DLGAP2: variants seen among roughly 807,000 people sequenced by gnomAD.
The protein encoded by DLGAP2 is DLG associated protein 2.
A neutral mutation model predicts 100.3 loss-of-function variants in DLGAP2; 26 were observed. That is an observed-to-expected ratio of 0.26 (90% CI 0.19 to 0.36). DLGAP2 has a LOEUF of 0.36. Ranked by LOEUF, DLGAP2 falls within the 10% of genes least tolerant of loss-of-function variation. The pLI is 1.00. For missense variants in DLGAP2, 1,858 were observed against 1,453.2 expected (o/e 1.28, Z -4.53); for synonymous variants, 886 against 630.1 (o/e 1.41, Z -6.08).
chr8:749,783 C>T lies in DLGAP2; in HGVS notation c.18+11958C>T, dbSNP rs977202349. 3.3e-5 allele frequency among the ~76,000 whole-genome samples: 5 copies of T among 152,286 alleles called. No homozygotes were observed. The East Asian group carries it at 5.8e-4, about 18-fold the overall frequency. On this transcript the variant is annotated intron_variant, in intron 1 of 14. Coordinates refer to ENST00000637795, the MANE Select transcript of DLGAP2 (RefSeq NM_001346810.2). Reference sequence around the variant, plus strand: ...AGATCGGGTGCCCGAAACGGCAGAGCGCGCTCTTGGTGCTGGAGGCTGGAA... The same window carrying T: ...AGATCGGGTGCCCGAAACGGCAGAGTGCGCTCTTGGTGCTGGAGGCTGGAA...
At chr8:1,410,432 C>T (rs766883209) in intron 3 of DLGAP2, among the ~76,000 whole-genome samples, 1 of 152,200 alleles carries the variant, frequency 6.6e-6, no homozygotes, top group Admixed American at 6.5e-5. Context: ...TATTCTCTCC[C>T]CTCAGTTCAC....
intron 2 of DLGAP2, among the ~76,000 whole-genome samples, chr8:983,262 G>A (rs1296616669): frequency 3.3e-5 from 5 of 152,000 alleles, no homozygotes; most frequent in Non-Finnish European, 5.9e-5. Flanking sequence ...TAGAATCCAC[G>A]TGTTGGTGGA....
intron 3 of DLGAP2, among the ~76,000 whole-genome samples, chr8:1,310,504 C>G (rs10111688): frequency 6.6e-6 from 1 of 151,986 alleles, no homozygotes; most frequent in Non-Finnish European, 1.5e-5. Flanking sequence ...TGGACGGACA[C>G]GTACAGAAGC....
At chr8:1,320,024 C>T (rs757222444) in intron 3 of DLGAP2, among the ~76,000 whole-genome samples, 6 of 152,114 alleles carry the variant, frequency 3.9e-5, no homozygotes, top group South Asian at 4.2e-4. Flanking sequence ...CACATGAAGA[C>T]GAAAGGTGTT....
chr8:1,219,278 T>G (rs1054717531), intron 2 of DLGAP2, among the ~76,000 whole-genome samples: 3 of 152,102 alleles, frequency 2.0e-5, no homozygotes, highest in African/African-American at 7.2e-5. Flanking sequence ...GGCTCTTATT[T>G]TGAGATAAGT....
chr8:1,170,155 C>T (rs1478255794), intron 2 of DLGAP2, among the ~76,000 whole-genome samples: 1 of 152,128 alleles, frequency 6.6e-6, no homozygotes, highest in Admixed American at 6.6e-5. Context: ...TGGTTTTTGT[C>T]TTTGGTTCTG....
intron 3 of DLGAP2, among the ~76,000 whole-genome samples, chr8:1,425,803 G>C (rs1473498393): frequency 6.6e-6 from 1 of 152,200 alleles, no homozygotes; most frequent in East Asian, 1.9e-4. Context: ...CCCAGGGGAT[G>C]TCAGGGCCCT....
At chr8:1,619,572 C>T (rs1334117007) in intron 6 of DLGAP2, 1 of 152,234 alleles carries the variant, frequency 6.6e-6, no homozygotes, top group East Asian at 1.9e-4. Context: ...GTTTCTGAGA[C>T]ATCTACCAAA....
chr8:793,853 G>A (rs1271605468), intron 1 of DLGAP2, among the ~76,000 whole-genome samples: 2 of 152,176 alleles, frequency 1.3e-5, no homozygotes, highest in African/African-American at 4.8e-5. Flanking sequence ...ACTTCCTGTG[G>A]CCATGCTGGT....
chr8:1,560,863 C>A (rs1192697133), intron 5 of DLGAP2, among the ~76,000 whole-genome samples: 1 of 152,176 alleles, frequency 6.6e-6, no homozygotes, highest in East Asian at 1.9e-4. Flanking sequence ...TGGCTGAGGC[C>A]CCAGGCCTGT....
chr8:1,410,392 C>T (rs920445117), intron 3 of DLGAP2, among the ~76,000 whole-genome samples: 1 of 152,200 alleles, frequency 6.6e-6, no homozygotes, highest in African/African-American at 2.4e-5. Context: ...AGTCTGACCC[C>T]TTTGAAATAC....
intron 2 of DLGAP2, among the ~76,000 whole-genome samples, chr8:1,080,974 A>C (rs1803787715): frequency 6.6e-6 from 1 of 152,362 alleles, no homozygotes; most frequent in Non-Finnish European, 1.5e-5. Flanking sequence ...GTTTAACAAT[A>C]CAAAATTATA....
intron 2 of DLGAP2, among the ~76,000 whole-genome samples, chr8:1,226,531 C>G (rs887683074): frequency 2.0e-5 from 3 of 152,102 alleles, no homozygotes; most frequent in African/African-American, 4.8e-5. Context: ...GGGCTTAATA[C>G]CAAGGTTGAT....
intron 2 of DLGAP2, among the ~76,000 whole-genome samples, chr8:1,008,085 T>G (rs1290226499): frequency 6.6e-6 from 1 of 152,222 alleles, no homozygotes; most frequent in Non-Finnish European, 1.5e-5. Context: ...TTAAAGTATT[T>G]TCTTTTTCAT....
chr8:798,338 C>T (rs113979401), intron 1 of DLGAP2, among the ~76,000 whole-genome samples: 25 of 139,778 alleles, frequency 1.8e-4, no homozygotes, highest in South Asian at 7.0e-4. Context: ...TGAAAGCAAA[C>T]GCTTGTTGAG....
At chr8:1,281,192 A>C (rs1236039052) in intron 3 of DLGAP2, among the ~76,000 whole-genome samples, 1 of 152,228 alleles carries the variant, frequency 6.6e-6, no homozygotes, top group African/African-American at 2.4e-5. Context: ...TCTGTATCCT[A>C]TAGATGTCTC....
intron 3 of DLGAP2, among the ~76,000 whole-genome samples, chr8:1,373,202 G>C (rs1031841521): frequency 7.9e-5 from 12 of 152,164 alleles, no homozygotes; most frequent in Non-Finnish European, 1.6e-4. Context: ...GTTTGCTTGA[G>C]TGACTGCGCA....
rs184662272 is a variant in DLGAP2, at chr8:1,256,627, C to T, written c.74-2224C>T. On this transcript the variant is annotated intron_variant, in intron 2 of 14. Transcript: ENST00000637795. ...CTGTGTGTGCGCACAGGGACACAGTCATGTCCGCGCCTCCTGCAATCAGAT... is the reference window on the plus strand; with the variant it reads ...CTGTGTGTGCGCACAGGGACACAGTTATGTCCGCGCCTCCTGCAATCAGAT... 1.6e-3 allele frequency among the ~76,000 whole-genome samples: 238 copies of T among 144,724 alleles called. 2 individuals are homozygous for T. The highest frequency in any genetic ancestry group is 2.2e-3 in the Non-Finnish European group (150 of 67,454). 94.9% of individuals were successfully genotyped at this position (144,724 alleles called of 152,430 possible). A position where few individuals can be genotyped will look rare whatever the true frequency, so the allele number is the denominator to read the frequency against.
At chr8:1,610,883 T>G (rs1357551140) in intron 6 of DLGAP2, among the ~76,000 whole-genome samples, 4 of 128,122 alleles carry the variant, frequency 3.1e-5, no homozygotes, top group Non-Finnish European at 4.8e-5. Context: ...GAGCTGAAAT[T>G]GTGGCAATAA....
Sources: gnomAD v4.1 joint callset for allele counts (sites outside exome capture counted in the v4.1 genomes callset) on GRCh38, gnomAD v4.1.1 for gene constraint, MANE v1.5 for transcripts, NCBI Gene and HGNC (gene_info 2026-07-23, HGNC 2026-07-21) for gene names.